LHFPL6: variants seen among roughly 807,000 people sequenced by gnomAD.
LHFPL6 encodes LHFPL tetraspan subfamily member 6.
LHFPL6 carries 9 observed loss-of-function variants against 20.6 expected under a neutral mutation model. That is an observed-to-expected ratio of 0.44 (90% CI 0.26 to 0.76). LHFPL6 has a LOEUF of 0.76. Ranked by LOEUF, LHFPL6 falls within the 30% of genes least tolerant of loss-of-function variation. LHFPL6 has a pLI of 0.20. For synonymous variants in LHFPL6, 105 were observed against 98.7 expected (o/e 1.06, Z -0.38); for missense variants, 218 against 253.5 (o/e 0.86, Z 0.95).
chr13:39,399,911 T>C (rs751689542), intron 2 of LHFPL6, among the ~76,000 whole-genome samples: 13 of 152,148 alleles, frequency 8.5e-5, no homozygotes, highest in African/African-American at 3.1e-4. Context: ...CTGACCAATA[T>C]GGAGAAACCC....
chr13:39,455,004 GT>G (rs1238134270), intron 2 of LHFPL6, among the ~76,000 whole-genome samples: 1 of 152,062 alleles, frequency 6.6e-6, no homozygotes, highest in Admixed American at 6.5e-5. Flanking sequence ...TAAAAGTCAA[GT>G]GCCATTCCAC....
chr13:39,473,238 C>T (rs1204066473), intron 2 of LHFPL6, among the ~76,000 whole-genome samples: 1 of 151,162 alleles, frequency 6.6e-6, no homozygotes. Context: ...CTTTTGATGC[C>T]GCCTTACTTG....
At chr13:39,500,049 C>A (rs961830480) in intron 2 of LHFPL6, among the ~76,000 whole-genome samples, 2 of 151,980 alleles carry the variant, frequency 1.3e-5, no homozygotes, top group African/African-American at 4.8e-5. Flanking sequence ...CCAGTTGGGT[C>A]CTTTTTACCC....
intron 2 of LHFPL6, among the ~76,000 whole-genome samples, chr13:39,586,444 C>G (rs541206865): frequency 6.6e-6 from 1 of 152,240 alleles, no homozygotes; most frequent in African/African-American, 2.4e-5. Context: ...ACAATATTTA[C>G]TACTTTAAAA....
At chr13:39,442,379 G>T (rs928237613) in intron 2 of LHFPL6, among the ~76,000 whole-genome samples, 2 of 152,144 alleles carry the variant, frequency 1.3e-5, no homozygotes, top group African/African-American at 4.8e-5. Flanking sequence ...AGAAAAATAT[G>T]TTTAATACTT....
chr13:39,525,993 TAGAC>T lies in LHFPL6; in HGVS notation c.385+74835_385+74838del, dbSNP rs1433563848. Among the ~76,000 whole-genome samples, 4 of 152,304 alleles carry T rather than the reference TAGAC, an allele frequency of 2.6e-5. No individual in the cohort carries two copies. The East Asian group carries it at 7.7e-4, about 29-fold the overall frequency. On this transcript the variant is annotated intron_variant, in intron 2 of 3. Transcript: ENST00000379589. ...CTAACCCATAACAAAAGCAACATCT[TAGAC>T]AGAACCAAGTCCTCCCAGTTAAAAT...
intron 2 of LHFPL6, among the ~76,000 whole-genome samples, chr13:39,500,523 G>A (rs1869256703): frequency 6.6e-6 from 1 of 152,032 alleles, no homozygotes; most frequent in Admixed American, 6.6e-5. Context: ...CCAAAGTTCT[G>A]GCATTATAGG....
intron 2 of LHFPL6, among the ~76,000 whole-genome samples, chr13:39,432,844 GA>G (rs564121800): frequency 6.6e-6 from 1 of 152,098 alleles, no homozygotes; most frequent in Admixed American, 6.5e-5. Flanking sequence ...CATGGTCATT[GA>G]ATCAATTAAT....
chr13:39,544,880 C>T (rs1031195108), intron 2 of LHFPL6, among the ~76,000 whole-genome samples: 5 of 151,866 alleles, frequency 3.3e-5, no homozygotes, highest in Non-Finnish European at 7.4e-5. Context: ...ATAAATAACA[C>T]CAAACTTACT....
In LHFPL6 at chr13:39,600,925, G is replaced by A. The variant is rs750354354; in HGVS notation, c.292C>T (p.Leu98=). The part of the protein sequence containing the change: ...VTGLGCGLLL[L]VALTALMGCC... ...CCCATGAGGGCAGTGAGCGCCACCA[G>A]GAGGAGGAGGCCACAACCCAGGCCG... Residue 98 remains leucine (L), a synonymous_variant, in exon 2 of 4, where the codon CTG becomes TTG. Transcript: ENST00000379589. 70 of 1,597,334 alleles carry A rather than the reference G, an allele frequency of 4.4e-5. No homozygotes were observed. The East Asian group carries it at 1.6e-3, about 36-fold the overall frequency.
rs1268705520 is a variant in LHFPL6 at position 39,547,438 on chromosome 13, G to A, written c.385+53394C>T. ...ATCCACCAGTAACAAGATTTACTAT[G>A]TTGTTGGCTGAGATCAGGGTTGTGG... On this transcript the variant is annotated intron_variant, in intron 2 of 3. Coordinates refer to ENST00000379589, the MANE Select transcript of LHFPL6 (RefSeq NM_005780.3). 2.0e-5 allele frequency among the ~76,000 whole-genome samples: 3 copies of A among 152,144 alleles called. No homozygotes were observed. The East Asian group carries it at 5.8e-4, about 29-fold the overall frequency.
chr13:39,579,182 G>A (rs1212919870), intron 2 of LHFPL6, among the ~76,000 whole-genome samples: 1 of 152,102 alleles, frequency 6.6e-6, no homozygotes, highest in South Asian at 2.1e-4. Flanking sequence ...CACCCAAGAG[G>A]ATTACTCTGG....
intron 2 of LHFPL6, among the ~76,000 whole-genome samples, chr13:39,403,884 G>A (rs189383161): frequency 6.6e-5 from 10 of 152,278 alleles, no homozygotes; most frequent in East Asian, 1.9e-4. Flanking sequence ...GAAAAATGGC[G>A]TCTGTGGCTT....
chr13:39,531,082 T>C (rs921063363), intron 2 of LHFPL6, among the ~76,000 whole-genome samples: 20 of 152,216 alleles, frequency 1.3e-4, no homozygotes, highest in African/African-American at 2.4e-5. Flanking sequence ...GAGTAATTAT[T>C]TGCAAGTTAA....
At chr13:39,593,509 G>T (rs904659971) in intron 2 of LHFPL6, among the ~76,000 whole-genome samples, 20 of 151,882 alleles carry the variant, frequency 1.3e-4, no homozygotes, top group Non-Finnish European at 2.9e-4. Context: ...TGGGTAGGAA[G>T]AATCAATATC....
intron 2 of LHFPL6, among the ~76,000 whole-genome samples, chr13:39,479,598 C>T (rs886565460): frequency 1.3e-5 from 2 of 152,044 alleles, no homozygotes; most frequent in Admixed American, 6.6e-5. Context: ...TTGATACTTA[C>T]CAGATTTTTC....
chr13:39,561,329 A>C (rs1375045776), intron 2 of LHFPL6, among the ~76,000 whole-genome samples: 1 of 152,152 alleles, frequency 6.6e-6, no homozygotes, highest in Non-Finnish European at 1.5e-5. Context: ...TCTCCAGGGA[A>C]TCTTGAGTCG....
At chr13:39,538,870 T>C (rs961608230) in intron 2 of LHFPL6, among the ~76,000 whole-genome samples, 1 of 152,302 alleles carries the variant, frequency 6.6e-6, no homozygotes, top group African/African-American at 2.4e-5. Flanking sequence ...TAATATAAAA[T>C]GTGATTTATT....
chr13:39,385,996 C>T (rs1474617840), intron 2 of LHFPL6, among the ~76,000 whole-genome samples: 1 of 152,114 alleles, frequency 6.6e-6, no homozygotes, highest in African/African-American at 2.4e-5. Context: ...TGAGTGGTCA[C>T]ACCAGTGTTT....
Sources: allele counts gnomAD v4.1 joint callset (sites outside exome capture counted in the v4.1 genomes callset), GRCh38; gene constraint gnomAD v4.1.1; transcripts MANE v1.5; gene names NCBI Gene and HGNC (gene_info 2026-07-23, HGNC 2026-07-21).